FAM135A: variants seen among roughly 807,000 people sequenced by gnomAD.
FAM135A encodes family with sequence similarity 135 member A.
A neutral mutation model predicts 146.8 loss-of-function variants in FAM135A; 79 were observed. The observed-to-expected ratio is 0.54, with a 90% CI of 0.45 to 0.65. The LOEUF is 0.65. Among genes scored for constraint, FAM135A ranks in the 30% least tolerant of loss-of-function variants. The pLI is 0.00. For synonymous variants in FAM135A, 562 were observed against 603.6 expected (o/e 0.93, Z 1.01); for missense variants, 1,623 against 1,758.2 (o/e 0.92, Z 1.38).
At chr6:70,423,271 C>A (rs2127730118) in intron 2 of FAM135A, among the ~76,000 whole-genome samples, 1 of 152,160 alleles carries the variant, frequency 6.6e-6, no homozygotes, top group South Asian at 2.1e-4. Context: ...CATTTTAAGG[C>A]AGTAAGATTG....
chr6:70,460,649 C>T (rs1779245904), intron 5 of FAM135A, among the ~76,000 whole-genome samples: 1 of 152,082 alleles, frequency 6.6e-6, no homozygotes, highest in Non-Finnish European at 1.5e-5. Context: ...TGATGTGGAT[C>T]ACTGTTAGAT....
At chr6:70,416,724 A>C (rs575863141) in intron 2 of FAM135A, among the ~76,000 whole-genome samples, 2 of 152,240 alleles carry the variant, frequency 1.3e-5, no homozygotes, top group East Asian at 1.9e-4. Flanking sequence ...CCAGGAGTTC[A>C]AGACCAGCCT....
chr6:70,557,320 A>AG (rs1178317006), intron 21 of FAM135A: 1 of 176,314 alleles, frequency 5.7e-6, no homozygotes, highest in African/African-American at 2.4e-5. Context: ...AGGAAACTTG[A>AG]GTCCTGTTTA....
At chr6:70,477,415 AAG>A in intron 8 of FAM135A, 83 bp downstream of exon 8, 4 of 1,414,724 alleles carry the variant, frequency 2.8e-6, no homozygotes, top group African/African-American at 1.4e-5. Flanking sequence ...TTATAAATAA[AAG>A]AGGTTTAATT....
chr6:70,544,414 G>A (rs1798475825), intron 20 of FAM135A, among the ~76,000 whole-genome samples: 1 of 152,080 alleles, frequency 6.6e-6, no homozygotes, highest in South Asian at 2.1e-4. Flanking sequence ...TGTAATCCCA[G>A]CTACTCGGGA....
At chr6:70,427,298 G>A (rs1014710805) in intron 3 of FAM135A, among the ~76,000 whole-genome samples, 4 of 152,122 alleles carry the variant, frequency 2.6e-5, no homozygotes, top group Admixed American at 2.0e-4. Context: ...TTGGGAGGCT[G>A]AGGTGAGCAG....
chr6:70,437,421 T>G (rs1773426217), intron 4 of FAM135A, among the ~76,000 whole-genome samples: 1 of 152,064 alleles, frequency 6.6e-6, no homozygotes, highest in African/African-American at 2.4e-5. Flanking sequence ...AGTTTACATA[T>G]AAAAAATTAA....
At chr6:70,537,604 C>A (rs1797021520) in intron 19 of FAM135A, among the ~76,000 whole-genome samples, 1 of 152,134 alleles carries the variant, frequency 6.6e-6, no homozygotes, top group Non-Finnish European at 1.5e-5. Context: ...TTCCAGCTAT[C>A]AGTTTTAACC....
intron 5 of FAM135A, among the ~76,000 whole-genome samples, chr6:70,463,424 A>AC (rs1451533984): frequency 1.3e-5 from 2 of 151,574 alleles, no homozygotes; most frequent in African/African-American, 4.9e-5. Context: ...CTAATTAAAA[A>AC]AAAAAAAAAA....
intron 20 of FAM135A, among the ~76,000 whole-genome samples, chr6:70,542,248 G>GCACACACACACACACACACACA (rs112638092): frequency 7.0e-4 from 100 of 141,950 alleles, no homozygotes; most frequent in African/African-American, 2.0e-3. Flanking sequence ...TTTTTATCCT[G>GCACACACACACACACACACACA]CACACACACA....
Position 70,452,504 on chromosome 6 carries a change from T to G in FAM135A, c.90T>G (p.Ile30Met). Residue 30 changes from isoleucine (I) to methionine (M), a missense_variant, in exon 5 of 22, where the codon ATT becomes ATG. This residue lies in a region of FAM135A where 171 missense variants were observed against 164.9 expected (regional missense o/e 1.04). Transcript: ENST00000418814. ...VDLFQRGFYQIRASMKIPSRI... is the reference protein window; with the variant it reads ...VDLFQRGFYQMRASMKIPSRI... ...TATTTTGCTTTAGTTTTTACCAGAT[T>G]CGTGCTTCTATGAAAATTCCATCAA... The G allele has an allele frequency of 6.3e-7, 1 of 1,597,708 alleles. No homozygotes were observed. The highest frequency in any genetic ancestry group is 8.5e-7 in the Non-Finnish European group (1 of 1,175,564).
chr6:70,458,651 G>A lies in FAM135A; in HGVS notation c.157+6080G>A, dbSNP rs541580289. ...TTTCATGCCAGTTTACCCCAGAATA[G>A]CCTCTATCTTATTAAATGTTAAATT... On this transcript the variant is annotated intron_variant, in intron 5 of 21. Transcript: ENST00000418814. Among the ~76,000 whole-genome samples the A allele has an allele frequency of 4.6e-5, 7 of 152,254 alleles. No homozygotes were observed. In the East Asian group the frequency reaches 1.2e-3, roughly 25 times the overall value.
At chr6:70,456,685 T>A (rs1179135437) in intron 5 of FAM135A, among the ~76,000 whole-genome samples, 1 of 152,238 alleles carries the variant, frequency 6.6e-6, no homozygotes, top group Non-Finnish European at 1.5e-5. Flanking sequence ...TTCTTCATAA[T>A]GTTAACTTAC....
intron 12 of FAM135A, among the ~76,000 whole-genome samples, chr6:70,507,481 A>G (rs1252342034): frequency 6.6e-6 from 1 of 152,200 alleles, no homozygotes; most frequent in East Asian, 1.9e-4. Flanking sequence ...TCACAGAAAT[A>G]AACCTCTGAT....
At chr6:70,467,980 AG>A (rs1456268957) in intron 5 of FAM135A, among the ~76,000 whole-genome samples, 4 of 152,166 alleles carry the variant, frequency 2.6e-5, no homozygotes, top group African/African-American at 9.7e-5. Flanking sequence ...CATGAGTGAA[AG>A]GAAGGCTGAT....
intron 10 of FAM135A, among the ~76,000 whole-genome samples, chr6:70,488,547 T>C (rs1406721404): frequency 6.6e-6 from 1 of 150,578 alleles, no homozygotes; most frequent in Non-Finnish European, 1.5e-5. Context: ...AGTATACCCT[T>C]GAATAACACC....
At chr6:70,552,320 TA>T (rs1458694669) in intron 20 of FAM135A, among the ~76,000 whole-genome samples, 1 of 151,790 alleles carries the variant, frequency 6.6e-6, no homozygotes, top group Non-Finnish European at 1.5e-5. Flanking sequence ...ATAAACCCTT[TA>T]TATAAACCTC....
chr6:70,431,272 G>A (rs1408307467), intron 4 of FAM135A, among the ~76,000 whole-genome samples: 1 of 152,142 alleles, frequency 6.6e-6, no homozygotes, highest in African/African-American at 2.4e-5. Context: ...TCCTAAGTCT[G>A]TGGATCATCT....
chr6:70,559,986 A>G lies in FAM135A; in HGVS notation c.*65A>G, dbSNP rs1761276535. On this transcript the variant is annotated 3_prime_UTR_variant, in exon 22 of 22. Transcript: ENST00000418814. ...AACAATGTTTCAAATAATGTATTAT[A>G]TTAAAATGTAGATGCTGATAAGTTC... The G allele has an allele frequency of 7.9e-7, 1 of 1,263,560 alleles. No homozygotes were observed. The highest frequency in any genetic ancestry group is 2.5e-5 in the East Asian group (1 of 39,882). The allele number at this position is 1,263,560 out of a possible 1,614,324, so 78.3% of individuals were successfully genotyped here.
Sources: gnomAD v4.1 joint callset for allele counts (sites outside exome capture counted in the v4.1 genomes callset) on GRCh38, gnomAD v4.1.1 for gene constraint, gnomAD v4.1.1 regional missense constraint, MANE v1.5 for transcripts, NCBI Gene and HGNC (gene_info 2026-07-23, HGNC 2026-07-21) for gene names.